Variants in GPC5 observed in about 807,000 individuals in gnomAD.
GPC5 encodes glypican-5.
GPC5 carries 47 observed loss-of-function variants against 53.9 expected under a neutral mutation model. The observed-to-expected ratio is 0.87, with a 90% CI of 0.69 to 1.11. GPC5 has a LOEUF of 1.11. Ranked by LOEUF, GPC5 falls within the 50% of genes most tolerant of loss-of-function variation. The pLI, the probability that GPC5 is intolerant of heterozygous loss-of-function variation, is 0.00. For synonymous variants in GPC5, 286 were observed against 263.3 expected (o/e 1.09, Z -0.84); for missense variants, 748 against 713.1 (o/e 1.05, Z -0.56).
At chr13:92,733,114 TG>T (rs1888850794) in intron 7 of GPC5, among the ~76,000 whole-genome samples, 1 of 151,748 alleles carries the variant, frequency 6.6e-6, no homozygotes, top group Admixed American at 6.6e-5. Flanking sequence ...GATATCATCA[TG>T]CAATTTATGG....
At chr13:92,566,881 T>G (rs1052057144) in intron 7 of GPC5, among the ~76,000 whole-genome samples, 1 of 152,160 alleles carries the variant, frequency 6.6e-6, no homozygotes, top group African/African-American at 2.4e-5. Context: ...TTATTCTATT[T>G]AATTCTGAAT....
At chr13:92,296,746 C>T (rs1409440983) in intron 7 of GPC5, among the ~76,000 whole-genome samples, 4 of 152,138 alleles carry the variant, frequency 2.6e-5, no homozygotes, top group African/African-American at 9.7e-5. Context: ...GCTTGGTGGG[C>T]CCCGCACTTG....
intron 7 of GPC5, among the ~76,000 whole-genome samples, chr13:92,523,667 A>T (rs1179052165): frequency 2.0e-5 from 3 of 152,084 alleles, no homozygotes. Context: ...AAATTAGTTA[A>T]AAAGAAGACA....
At position 92,478,902 on chromosome 13, in the gene GPC5, A is replaced by G. The variant is rs181970153; in HGVS notation, c.1561+333913A>G. 4.1e-3 allele frequency among the ~76,000 whole-genome samples: 624 copies of G among 152,288 alleles called. 3 individuals carry two copies. Among genetic ancestry groups the G allele is most frequent in the African/African-American group, 0.014 (586 of 41,546 alleles). ...TAATTTTTTTGTCCTACGAAAGAGT[A>G]GCTGATGGTGCTGGATTGAAGGCAT... On this transcript the variant is annotated intron_variant, in intron 7 of 7. Transcript: ENST00000377067.
intron 6 of GPC5, among the ~76,000 whole-genome samples, chr13:91,971,478 T>C (rs1385131646): frequency 1.3e-5 from 2 of 152,250 alleles, no homozygotes; most frequent in Non-Finnish European, 2.9e-5. Flanking sequence ...AGTTCTGCTC[T>C]GATTTTAGTT....
chr13:92,354,614 CAT>C (rs1397368153), intron 7 of GPC5, among the ~76,000 whole-genome samples: 4 of 152,110 alleles, frequency 2.6e-5, no homozygotes, highest in Non-Finnish European at 5.9e-5. Context: ...AGTAAACAAA[CAT>C]ATAAAACTAG....
At chr13:91,693,909 T>C in intron 3 of GPC5, 28 bp downstream of exon 3, 1 of 1,509,406 alleles carries the variant, frequency 6.6e-7, no homozygotes, top group Non-Finnish European at 9.0e-7. Flanking sequence ...ATTTTCAGTC[T>C]GACTTCTTGT....
At chr13:91,888,845 T>C (rs1030353321) in intron 5 of GPC5, among the ~76,000 whole-genome samples, 3 of 152,014 alleles carry the variant, frequency 2.0e-5, no homozygotes, top group African/African-American at 7.2e-5. Context: ...ACAATATTCC[T>C]CAAACTTATT....
rs548996379 is a variant in GPC5, at chr13:92,291,668, G to C, written c.1561+146679G>C. 3.9e-5 allele frequency among the ~76,000 whole-genome samples: 6 copies of C among 152,138 alleles called. 1 individual carries two copies. Among genetic ancestry groups the C allele is most frequent in the Non-Finnish European group, 5.9e-5 (4 of 68,024 alleles). Reference sequence around the variant, plus strand: ...CGCTAGGGTCCCCTTCCACAATGTCGAAGCTTTGTTCTTTTGCTGTTTGCA... The same window carrying C: ...CGCTAGGGTCCCCTTCCACAATGTCCAAGCTTTGTTCTTTTGCTGTTTGCA... On this transcript the variant is annotated intron_variant, in intron 7 of 7. Coordinates refer to ENST00000377067, the MANE Select transcript of GPC5 (RefSeq NM_004466.6).
intron 7 of GPC5, among the ~76,000 whole-genome samples, chr13:92,461,794 T>C (rs1445196693): frequency 6.6e-6 from 1 of 152,184 alleles, no homozygotes; most frequent in Non-Finnish European, 1.5e-5. Context: ...GCCCGGTTGA[T>C]CTTCAACTTC....
intron 7 of GPC5, among the ~76,000 whole-genome samples, chr13:92,248,761 T>C (rs967227489): frequency 1.3e-5 from 2 of 152,070 alleles, no homozygotes; most frequent in African/African-American, 4.8e-5. Context: ...GGTGAGGAGA[T>C]GGGGATTCGA....
chr13:92,571,625 G>A (rs1002753644), intron 7 of GPC5, among the ~76,000 whole-genome samples: 7 of 151,832 alleles, frequency 4.6e-5, no homozygotes, highest in Middle Eastern at 3.4e-3. Flanking sequence ...GTATCAGTGT[G>A]CTTCATGATC....
intron 7 of GPC5, among the ~76,000 whole-genome samples, chr13:92,443,313 T>C (rs1371586878): frequency 6.6e-6 from 1 of 152,174 alleles, no homozygotes; most frequent in African/African-American, 2.4e-5. Flanking sequence ...AGGCACCATG[T>C]CTAACATGGG....
chr13:92,223,867 G>A (rs948965792), intron 7 of GPC5, among the ~76,000 whole-genome samples: 1 of 152,010 alleles, frequency 6.6e-6, no homozygotes, highest in Non-Finnish European at 1.5e-5. Context: ...TTTCAGCTTG[G>A]CCTTACCGCT....
At chr13:92,767,305 T>C (rs1330763472) in intron 7 of GPC5, among the ~76,000 whole-genome samples, 3 of 152,220 alleles carry the variant, frequency 2.0e-5, no homozygotes, top group African/African-American at 7.2e-5. Flanking sequence ...ACCCCGTCTC[T>C]GCTAAAACTA....
intron 7 of GPC5, among the ~76,000 whole-genome samples, chr13:92,616,454 A>G (rs142753598): frequency 6.6e-6 from 1 of 152,230 alleles, no homozygotes; most frequent in Non-Finnish European, 1.5e-5. Flanking sequence ...TATGGAGGAC[A>G]TAACTGGTAA....
chr13:92,421,698 C>CAAAAAAAAAAAAAAAAAAAAAA (rs34055682), intron 7 of GPC5, among the ~76,000 whole-genome samples: 5 of 69,486 alleles, frequency 7.2e-5, no homozygotes, highest in African/African-American at 2.5e-4. Context: ...GACTCCGTCT[C>CAAAAAAAAAAAAAAAAAAAAAA]AAAAAAAAAA....
chr13:92,530,215 T>C (rs1275767049), intron 7 of GPC5, among the ~76,000 whole-genome samples: 3 of 3,654 alleles, frequency 8.2e-4, no homozygotes, highest in Non-Finnish European at 0.013. Context: ...AGCTATTATA[T>C]AATAAACACA....
Position 91,399,000 on chromosome 13 carries a change from G to A in GPC5, c.-47G>A, listed in dbSNP as rs1876689461. The A allele has an allele frequency of 5.2e-6, 8 of 1,531,222 alleles. No individual in the cohort carries two copies. Among genetic ancestry groups the A allele is most frequent in the Non-Finnish European group, 6.2e-6 (7 of 1,134,484 alleles). The allele number at this position is 1,531,222 out of a possible 1,614,324, so 94.9% of individuals were successfully genotyped here. ...GTCTGCAGCTCAGCCAGGGCGCGCA[G>A]GGCGAGTGGGGTCCACTGGCGGGTA... On this transcript the variant is annotated 5_prime_UTR_variant, in exon 1 of 8. Transcript: ENST00000377067.
Sources: gnomAD v4.1 joint callset for allele counts (sites outside exome capture counted in the v4.1 genomes callset) on GRCh38, gnomAD v4.1.1 for gene constraint, MANE v1.5 for transcripts, NCBI Gene and HGNC (gene_info 2026-07-23, HGNC 2026-07-21) for gene names.